Variants in ZNF793 observed in about 807,000 individuals in gnomAD.
ZNF793 encodes zinc finger protein 793.
In ZNF793, 5 loss-of-function variants were observed where a neutral mutation model predicts 12.4. The observed-to-expected ratio is 0.40, with a 90% CI of 0.21 to 0.84. ZNF793 has a LOEUF of 0.84. Ranked by LOEUF, ZNF793 falls within the 40% of genes least tolerant of loss-of-function variation. ZNF793 has a pLI of 0.35. For missense variants in ZNF793, 456 were observed against 495.0 expected (o/e 0.92, Z 0.75); for synonymous variants, 162 against 172.4 (o/e 0.94, Z 0.47).
intron 5 of ZNF793, among the ~76,000 whole-genome samples, chr19:37,529,226 T>C (rs990494526): frequency 6.6e-6 from 1 of 152,220 alleles, no homozygotes; most frequent in South Asian, 2.1e-4. Flanking sequence ...GGTACAGGCA[T>C]CATGCAATGT....
intron 2 of ZNF793, among the ~76,000 whole-genome samples, chr19:37,513,287 G>A (rs1249623724): frequency 6.6e-6 from 1 of 152,066 alleles, no homozygotes; most frequent in Non-Finnish European, 1.5e-5. Context: ...TGATGCTTAC[G>A]TGACTCAATT....
chr19:37,531,626 G>C (rs573570411), intron 5 of ZNF793, among the ~76,000 whole-genome samples: 1 of 152,332 alleles, frequency 6.6e-6, no homozygotes, highest in African/African-American at 2.4e-5. Flanking sequence ...AGGAGAGTCA[G>C]CTTTCCATAT....
chr19:37,519,657 AAAGTT>A (rs2042360207), intron 2 of ZNF793, among the ~76,000 whole-genome samples: 1 of 152,236 alleles, frequency 6.6e-6, no homozygotes. Context: ...AGGAAAATCA[AAAGTT>A]AAGAGCATAA....
In ZNF793 at chr19:37,541,117, G is replaced by C. The variant is rs2042549201; in HGVS notation, c.*3238G>C. 6.6e-6 allele frequency: 1 copy of C among 152,082 alleles called. No individual in the cohort carries two copies. The highest frequency in any genetic ancestry group is 1.5e-5 in the Non-Finnish European group (1 of 68,008). The allele number at this position is 152,082 out of a possible 1,614,324, so 9.4% of individuals were successfully genotyped here. A position where few individuals can be genotyped will look rare whatever the true frequency, so the allele number is the denominator to read the frequency against. On this transcript the variant is annotated 3_prime_UTR_variant, in exon 8 of 8. Coordinates refer to ENST00000627814, the MANE Select transcript of ZNF793 (RefSeq NM_001013659.3). ...TTCAGAAATAGACTTCGATATATATGAACTTTTTCATATGTGAAAAAGGTG... is the reference window on the plus strand; with the variant it reads ...TTCAGAAATAGACTTCGATATATATCAACTTTTTCATATGTGAAAAAGGTG...
chr19:37,517,663 G>A (rs147130499), intron 2 of ZNF793, among the ~76,000 whole-genome samples: 329 of 152,104 alleles, frequency 2.2e-3, no homozygotes, highest in Non-Finnish European at 3.6e-3. Flanking sequence ...AGTAGGACTC[G>A]GTTTAGAGGG....
At chr19:37,530,909 GT>G (rs1156424644) in intron 5 of ZNF793, among the ~76,000 whole-genome samples, 2 of 151,806 alleles carry the variant, frequency 1.3e-5, no homozygotes, top group Non-Finnish European at 2.9e-5. Flanking sequence ...CCTCTCTTTT[GT>G]TGTGCTAGTG....
At chr19:37,533,710 A>G (rs1325400804) in intron 7 of ZNF793, 2 of 463,778 alleles carry the variant, frequency 4.3e-6, no homozygotes, top group Non-Finnish European at 7.6e-6. Flanking sequence ...TGTTGTGACA[A>G]ACTTTCCAGA....
intron 1 of ZNF793, among the ~76,000 whole-genome samples, chr19:37,507,594 C>T (rs900222212): frequency 2.0e-5 from 3 of 152,036 alleles, no homozygotes; most frequent in Non-Finnish European, 4.4e-5. Context: ...AACGATTGGA[C>T]TTTTGTAGAT....
intron 5 of ZNF793, among the ~76,000 whole-genome samples, chr19:37,530,000 G>A (rs984854224): frequency 2.0e-5 from 3 of 151,854 alleles, no homozygotes; most frequent in East Asian, 1.9e-4. Context: ...GGTGTTTCTC[G>A]GTGAGGGGGA....
chr19:37,521,429 C>CTTTT (rs74174472), intron 3 of ZNF793, among the ~76,000 whole-genome samples: 16 of 97,020 alleles, frequency 1.6e-4, no homozygotes, highest in South Asian at 3.8e-4. Flanking sequence ...GGTCAATTCT[C>CTTTT]TTTTTTTTTT....
chr19:37,510,925 C>T (rs1029340624), intron 2 of ZNF793, among the ~76,000 whole-genome samples: 9 of 151,886 alleles, frequency 5.9e-5, no homozygotes, highest in South Asian at 2.1e-4. Context: ...TCTCAATCTC[C>T]TGACCTCGTG....
chr19:37,531,986 A>G (rs2042464948), intron 5 of ZNF793, among the ~76,000 whole-genome samples: 2 of 151,980 alleles, frequency 1.3e-5, no homozygotes, highest in Admixed American at 1.3e-4. Flanking sequence ...TATAAACATT[A>G]TAAAAATCAG....
Position 37,542,412 on chromosome 19 carries a change from A to C in ZNF793, c.*4533A>C, listed in dbSNP as rs1275584387. 2 of 373,022 alleles carry C rather than the reference A, an allele frequency of 5.4e-6. No homozygotes were observed. Among genetic ancestry groups the C allele is most frequent in the Non-Finnish European group, 1.1e-5 (2 of 188,734 alleles). The allele number at this position is 373,022 out of a possible 1,614,324, so 23.1% of individuals were successfully genotyped here. On this transcript the variant is annotated 3_prime_UTR_variant, in exon 8 of 8. Coordinates refer to ENST00000627814, the MANE Select transcript of ZNF793 (RefSeq NM_001013659.3). ...TTCCATCTCAAAAGAAAAGAAAAGA[A>C]ATCTGTTAATATTATTAAAATATTT...
intron 5 of ZNF793, among the ~76,000 whole-genome samples, chr19:37,526,875 T>C (rs890869816): frequency 6.6e-6 from 1 of 152,226 alleles, no homozygotes; most frequent in Non-Finnish European, 1.5e-5. Flanking sequence ...GCAATAGAGC[T>C]ACCTACCCTA....
chr19:37,531,279 G>C (rs910757363), intron 5 of ZNF793: 2 of 152,182 alleles, frequency 1.3e-5, no homozygotes, highest in African/African-American at 4.8e-5. Context: ...AGATTCTCCT[G>C]CCTCAGCCAC....
intron 2 of ZNF793, among the ~76,000 whole-genome samples, chr19:37,517,232 A>T (rs758174146): frequency 5.9e-5 from 9 of 152,186 alleles, no homozygotes; most frequent in Non-Finnish European, 7.3e-5. Context: ...AATATTCATC[A>T]TAGTTCTACC....
At position 37,539,756 on chromosome 19, in the gene ZNF793, G is replaced by A. The variant is rs1342860242; in HGVS notation, c.*1877G>A. 6.6e-6 allele frequency: 1 copy of A among 152,098 alleles called. No individual in the cohort carries two copies. The highest frequency in any genetic ancestry group is 2.4e-5 in the African/African-American group (1 of 41,420). 9.4% of individuals were successfully genotyped at this position (152,098 alleles called of 1,614,324 possible). A position where few individuals can be genotyped will look rare whatever the true frequency, so the allele number is the denominator to read the frequency against. On this transcript the variant is annotated 3_prime_UTR_variant, in exon 8 of 8. Coordinates refer to ENST00000627814, the MANE Select transcript of ZNF793 (RefSeq NM_001013659.3). The stretch of plus-strand genomic sequence containing the variant: ...TAAGTTATGAAAACTGCAATAAGAA[G>A]TAGAAAACTTGGTAGGATAGTTAAC...
intron 2 of ZNF793, among the ~76,000 whole-genome samples, chr19:37,516,429 C>T (rs1028601940): frequency 2.0e-5 from 3 of 152,042 alleles, no homozygotes; most frequent in African/African-American, 7.2e-5. Context: ...CCACTGTGCC[C>T]GGCCTATGAT....
rs747562730 is a variant in ZNF793 at position 37,536,945 on chromosome 19, T to C, written c.287T>C (p.Leu96Pro). 1 of 1,613,324 alleles carries C rather than the reference T, an allele frequency of 6.2e-7. No homozygotes were observed. The highest frequency in any genetic ancestry group is 1.3e-5 in the African/African-American group (1 of 74,998). The part of the protein sequence containing the change: ...NIQRKRRQDM[L>P]LRPGAAISKK... ...CAGAGGAAAAGACGGCAAGACATGC[T>C]TTTGAGGCCAGGCGCAGCCATAAGC... Residue 96 changes from leucine to proline, a missense_variant, in exon 8 of 8, where the codon CTT (leucine) becomes CCT (proline). Physicochemically the swap from Leu to Pro is moderately conservative, Grantham distance 98. Coordinates refer to ENST00000627814, the MANE Select transcript of ZNF793 (RefSeq NM_001013659.3).
Sources: allele counts gnomAD v4.1 joint callset (sites outside exome capture counted in the v4.1 genomes callset), GRCh38; gene constraint gnomAD v4.1.1; transcripts MANE v1.5; gene names NCBI Gene and HGNC (gene_info 2026-07-23, HGNC 2026-07-21).